Variants in B4GALT1 observed in about 807,000 individuals in gnomAD.
B4GALT1 encodes the protein beta-1,4-galactosyltransferase 1, also known as N-acetyllactosamine synthase.
In B4GALT1, 16 loss-of-function variants were observed where a neutral mutation model predicts 34.9. The observed-to-expected ratio is 0.46, with a 90% CI of 0.31 to 0.70. B4GALT1 has a LOEUF of 0.70. Ranked by LOEUF, B4GALT1 falls within the 30% of genes least tolerant of loss-of-function variation. The pLI is 0.05. For synonymous variants in B4GALT1, 221 were observed against 218.1 expected, an observed-to-expected ratio of 1.01 and a Z score of -0.12; for missense variants, 445 against 530.5, an observed-to-expected ratio of 0.84 and a Z score of 1.58.
intron 1 of B4GALT1, among the ~76,000 whole-genome samples, chr9:33,163,690 T>C (rs1181615592): frequency 6.6e-6 from 1 of 152,230 alleles, no homozygotes; most frequent in East Asian, 1.9e-4. Flanking sequence ...CCAAGGCCAC[T>C]GTTCCTCCCA....
upstream of B4GALT1, among the ~76,000 whole-genome samples, chr9:33,169,460 CT>C (rs1840819072): frequency 6.6e-6 from 1 of 151,994 alleles, no homozygotes; most frequent in African/African-American, 2.4e-5. Context: ...TGACAGAGAC[CT>C]TTTCAGACTA....
At chr9:33,166,042 T>C (rs1216653755) in intron 1 of B4GALT1, among the ~76,000 whole-genome samples, 2 of 152,086 alleles carry the variant, frequency 1.3e-5, no homozygotes, top group Non-Finnish European at 1.5e-5. Context: ...TCACCTAGGT[T>C]TTGGGTACCC....
intron 1 of B4GALT1, among the ~76,000 whole-genome samples, chr9:33,136,680 AG>A (rs1225884181): frequency 6.6e-6 from 1 of 152,236 alleles, no homozygotes; most frequent in Non-Finnish European, 1.5e-5. Flanking sequence ...CCATTTTTCC[AG>A]GGAACACACT....
In B4GALT1 at chr9:33,120,598, G is replaced by A. The variant is rs746897245; in HGVS notation, c.657C>T (p.Asp219=). The A allele has an allele frequency of 6.2e-7, 1 of 1,614,182 alleles. No homozygotes were observed. Among genetic ancestry groups the A allele is most frequent in the Non-Finnish European group, 8.5e-7 (1 of 1,180,046 alleles). ...YGIYVINQAG[D]TIFNRAKLLN... Reference sequence around the variant, plus strand: ...GGAGCTTAGCACGATTGAATATAGTGTCTCCCGCCTGGTGCAGAAACAAAA... The same window carrying A: ...GGAGCTTAGCACGATTGAATATAGTATCTCCCGCCTGGTGCAGAAACAAAA... The change falls in exon 3 of 6, where the codon GAC becomes GAT. Residue 219 remains aspartate, a synonymous_variant. Coordinates refer to ENST00000379731, the MANE Select transcript of B4GALT1 (RefSeq NM_001497.4).
chr9:33,175,123 G>A, the B4GALT1 span, among the ~76,000 whole-genome samples: 1 of 146,022 alleles, frequency 6.8e-6, no homozygotes, highest in Non-Finnish European at 1.5e-5. Context: ...ACTAGCCTGG[G>A]TAACATAGCA....
chr9:33,119,296 C>T (rs1416179696), intron 3 of B4GALT1, among the ~76,000 whole-genome samples: 1 of 152,172 alleles, frequency 6.6e-6, no homozygotes, highest in Non-Finnish European at 1.5e-5. Flanking sequence ...TGACAATATG[C>T]TTTGGATAAT....
At chr9:33,181,077 C>T in the B4GALT1 span, among the ~76,000 whole-genome samples, 1 of 152,100 alleles carries the variant, frequency 6.6e-6, no homozygotes, top group Non-Finnish European at 1.5e-5. Context: ...ATGTGATAGT[C>T]TTTGCTCTGG....
intron 1 of B4GALT1, among the ~76,000 whole-genome samples, chr9:33,144,935 G>T (rs10971426): frequency 2.2e-4 from 34 of 152,320 alleles, no homozygotes; most frequent in Non-Finnish European, 4.0e-4. Flanking sequence ...TCACAGAGCT[G>T]GGAGCCATCT....
Position 33,113,337 on chromosome 9 carries a change from G to T in B4GALT1, c.*117C>A. The T allele has an allele frequency of 6.7e-7, 1 of 1,483,792 alleles. No homozygotes were observed. Among genetic ancestry groups the T allele is most frequent in the Non-Finnish European group, 9.4e-7 (1 of 1,064,192 alleles). 91.9% of individuals were successfully genotyped at this position (1,483,792 alleles called of 1,614,324 possible). The stretch of plus-strand genomic sequence containing the variant: ...CTGGAAAGCCATCTGAATGATGAGC[G>T]AAGGGGACCTGTCACTCAGACTGGT... On this transcript the variant is annotated 3_prime_UTR_variant, in exon 6 of 6. Coordinates refer to ENST00000379731, the MANE Select transcript of B4GALT1 (RefSeq NM_001497.4).
intron 4 of B4GALT1, among the ~76,000 whole-genome samples, chr9:33,115,507 A>T (rs1482269241): frequency 6.6e-6 from 1 of 152,246 alleles, no homozygotes; most frequent in African/African-American, 2.4e-5. Flanking sequence ...TGACCAGGCC[A>T]TAATGGTTGC....
At chr9:33,160,969 G>A (rs1418510767) in intron 1 of B4GALT1, among the ~76,000 whole-genome samples, 2 of 151,760 alleles carry the variant, frequency 1.3e-5, no homozygotes, top group Admixed American at 6.6e-5. Context: ...AAAGGCAAAA[G>A]CAAAGACCCA....
At chr9:33,174,958 TAAAAAAAAAAAAAAAAAAA>T in the B4GALT1 span, among the ~76,000 whole-genome samples, 2 of 13,356 alleles carry the variant, frequency 1.5e-4, no homozygotes, top group African/African-American at 5.7e-4. Flanking sequence ...GACTCTGTCT[TAAAAAAAAAAAAAAAAAAA>T]AAAAAAAAAA....
downstream of B4GALT1, among the ~76,000 whole-genome samples, chr9:33,106,347 C>T (rs541302801): frequency 2.2e-4 from 34 of 152,286 alleles, no homozygotes; most frequent in Non-Finnish European, 3.4e-4. Context: ...TTTGCTCCCA[C>T]GCTCCTCTTA....
chr9:33,134,601 C>T (rs1259476381), intron 2 of B4GALT1, among the ~76,000 whole-genome samples: 2 of 152,164 alleles, frequency 1.3e-5, no homozygotes, highest in African/African-American at 4.8e-5. Flanking sequence ...GGCTAAAGCC[C>T]AACACATATG....
intron 1 of B4GALT1, among the ~76,000 whole-genome samples, chr9:33,165,269 G>C (rs1382616751): frequency 6.6e-6 from 1 of 151,854 alleles, no homozygotes; most frequent in African/African-American, 2.4e-5. Flanking sequence ...TGCCCAGCCT[G>C]AGTGCCTGTA....
intron 2 of B4GALT1, among the ~76,000 whole-genome samples, chr9:33,123,937 A>C (rs1327524681): frequency 2.0e-5 from 3 of 152,108 alleles, no homozygotes; most frequent in Non-Finnish European, 4.4e-5. Flanking sequence ...AGTTTTCCAA[A>C]ATAACCTGAA....
intron 1 of B4GALT1, among the ~76,000 whole-genome samples, chr9:33,138,458 C>T (rs1840302603): frequency 1.3e-5 from 2 of 152,206 alleles, no homozygotes; most frequent in Admixed American, 1.3e-4. Flanking sequence ...TAGACAAATC[C>T]TTGCTCCCAC....
chr9:33,148,371 C>A (rs1587744433), intron 1 of B4GALT1, among the ~76,000 whole-genome samples: 1 of 152,148 alleles, frequency 6.6e-6, no homozygotes. Flanking sequence ...AGACACAGAG[C>A]CTGTCATGCT....
chr9:33,117,066 G>A (rs1163348477), intron 3 of B4GALT1, among the ~76,000 whole-genome samples: 5 of 152,212 alleles, frequency 3.3e-5, no homozygotes, highest in Admixed American at 2.6e-4. Context: ...CCTGTGCTCT[G>A]TTCCCGCACA....
Sources: gnomAD v4.1 joint callset for allele counts (sites outside exome capture counted in the v4.1 genomes callset) on GRCh38, gnomAD v4.1.1 for gene constraint, MANE v1.5 for transcripts, NCBI Gene and HGNC (gene_info 2026-07-23, HGNC 2026-07-21) for gene names.